Variants in SPAG17 observed in about 807,000 individuals in gnomAD.
The protein encoded by SPAG17 is sperm-associated antigen 17.
SPAG17 carries 169 observed loss-of-function variants against 273.6 expected under a neutral mutation model. That is an observed-to-expected ratio of 0.62 (90% CI 0.55 to 0.70). The LOEUF (loss-of-function observed/expected upper bound fraction) is 0.70, where lower values mean the gene tolerates loss of function less well. SPAG17 is among the 30% of genes least tolerant of loss of function. The pLI is 0.00. For missense variants in SPAG17, 2,557 were observed against 2,627.8 expected (o/e 0.97, Z 0.59); for synonymous variants, 825 against 873.2 (o/e 0.94, Z 0.97).
chr1:118,093,200 C>T lies in SPAG17; in HGVS notation c.1129G>A (p.Val377Met), dbSNP rs777703747. 1.9e-6 allele frequency: 3 copies of T among 1,613,662 alleles called. No homozygotes were observed. Among genetic ancestry groups the T allele is most frequent in the South Asian group, 2.2e-5 (2 of 91,042 alleles). Reference protein sequence around the residue: ...ESMQLINVPQVVNEKPVLEAM... With the variant: ...ESMQLINVPQMVNEKPVLEAM... ...TCTAATACAGGTTTCTCATTAACCA[C>T]TTGTGGAACATTAATAAGCTGCATG... is the stretch of plus-strand genomic sequence containing the variant. Residue 377 changes from valine to methionine, a missense_variant, in exon 8 of 49, where the codon GTG becomes ATG. Physicochemically the swap from Val to Met is conservative, Grantham distance 21. Coordinates refer to ENST00000336338, the MANE Select transcript of SPAG17 (RefSeq NM_206996.4).
intron 3 of SPAG17, among the ~76,000 whole-genome samples, chr1:118,139,318 T>C (rs1658538037): frequency 6.6e-6 from 1 of 152,250 alleles, no homozygotes; most frequent in Middle Eastern, 3.4e-3. Context: ...ATAACAAGTG[T>C]CAGCCAGGAT....
chr1:117,957,162 G>A (rs1652334761), intron 48 of SPAG17: 1 of 1,612,240 alleles, frequency 6.2e-7, no homozygotes, highest in Non-Finnish European at 8.5e-7. Context: ...CTCTGATGTT[G>A]AACTTATATG....
chr1:117,970,183 G>C, intron 45 of SPAG17, 67 bp from the exon 46 acceptor site: 1 of 1,486,386 alleles, frequency 6.7e-7, no homozygotes, highest in South Asian at 1.2e-5. Flanking sequence ...AATAAGCTGG[G>C]ATGTTATAAA....
intron 15 of SPAG17, among the ~76,000 whole-genome samples, chr1:118,077,780 C>T (rs926344324): frequency 1.3e-5 from 2 of 151,980 alleles, no homozygotes; most frequent in African/African-American, 4.8e-5. Flanking sequence ...GAAGGAAATC[C>T]CAAAGGCAAC....
chr1:118,095,590 G>A (rs2102203121), intron 7 of SPAG17, among the ~76,000 whole-genome samples: 2 of 152,352 alleles, frequency 1.3e-5, no homozygotes, highest in Middle Eastern at 6.8e-3. Flanking sequence ...GTGGATGTGG[G>A]TTTTATTAAC....
chr1:118,045,750 T>C (rs1650276774), intron 20 of SPAG17, among the ~76,000 whole-genome samples: 1 of 152,266 alleles, frequency 6.6e-6, no homozygotes, highest in Non-Finnish European at 1.5e-5. Flanking sequence ...GGAAGCAGTC[T>C]TGTGGGAGTG....
intron 3 of SPAG17, among the ~76,000 whole-genome samples, chr1:118,125,891 T>C (rs758483641): frequency 3.1e-4 from 47 of 152,148 alleles, no homozygotes; most frequent in Non-Finnish European, 6.5e-4. Flanking sequence ...AAATACCTAA[T>C]AGGGGAATGG....
chr1:118,048,974 C>A (rs938177613), intron 20 of SPAG17, among the ~76,000 whole-genome samples: 1 of 152,038 alleles, frequency 6.6e-6, no homozygotes, highest in African/African-American at 2.4e-5. Flanking sequence ...AAATTGATAA[C>A]CTAGAAGGAA....
Position 117,994,425 on chromosome 1 carries a change from T to C in SPAG17, c.5159A>G (p.Glu1720Gly), listed in dbSNP as rs1042949595. ...ATATACCTCAACTGAGGGAAATGTT[T>C]CCCATGACCTTGACCGGAGATTAGG... The part of the protein sequence containing the change: ...VPPNLRSRSW[E>G]TFPSVEKKTP... Residue 1720 changes from glutamate to glycine, a missense_variant, in exon 35 of 49, where the codon GAA (glutamate) becomes GGA (glycine). Transcript: ENST00000336338. The C allele has an allele frequency of 1.2e-6, 2 of 1,612,400 alleles. No individual in the cohort carries two copies.
intron 48 of SPAG17, chr1:117,959,213 G>T: frequency 6.6e-7 from 1 of 1,510,722 alleles, no homozygotes; most frequent in Non-Finnish European, 8.9e-7. Context: ...TGAAGCTTTG[G>T]TTACCCTAAC....
rs541186803 is a variant in SPAG17 at position 118,153,187 on chromosome 1, T to A, written c.88-1818A>T. On this transcript the variant is annotated intron_variant, in intron 1 of 48. Coordinates refer to ENST00000336338, the MANE Select transcript of SPAG17 (RefSeq NM_206996.4). Reference sequence around the variant, plus strand: ...GTGTTGACCATTTCAGACCAGAAAATAAAAGAAGAGAGGAGGGGCAAGAGG... The same window carrying A: ...GTGTTGACCATTTCAGACCAGAAAAAAAAAGAAGAGAGGAGGGGCAAGAGG... 9.3e-4 allele frequency among the ~76,000 whole-genome samples: 142 copies of A among 152,120 alleles called. 1 individual carries two copies. Among genetic ancestry groups the A allele is most frequent in the African/African-American group, 3.2e-3 (134 of 41,508 alleles).
chr1:117,981,676 T>C lies in SPAG17; in HGVS notation c.5873-275A>G, dbSNP rs184148997. Among the ~76,000 whole-genome samples the C allele has an allele frequency of 5.3e-5, 8 of 152,326 alleles. No homozygotes were observed. In the East Asian group the frequency reaches 1.5e-3, roughly 29 times the overall value. On this transcript the variant is annotated intron_variant, in intron 42 of 48. Transcript: ENST00000336338. ...GTTCTTTATGGGCATTATGACTAAA[T>C]AGTAGAGTTGTCACCTTGTTGTGTT...
chr1:118,004,820 C>A (rs1658699719), intron 32 of SPAG17, among the ~76,000 whole-genome samples: 1 of 152,230 alleles, frequency 6.6e-6, no homozygotes, highest in South Asian at 2.1e-4. Context: ...GTGGGCTGCA[C>A]CCACTGTCCA....
In SPAG17 at chr1:117,973,764, T is replaced by C. The variant is rs74814409; in HGVS notation, c.6005-203A>G. 3.1e-3 allele frequency among the ~76,000 whole-genome samples: 477 copies of C among 152,312 alleles called. 4 individuals carry two copies. The highest frequency in any genetic ancestry group is 0.011 in the African/African-American group (453 of 41,554). ...TTTGTTACAAGGGTATAATGCATGA[T>C]CATGCTGCCCAAATAGTGAACATAG... On this transcript the variant is annotated intron_variant, in intron 43 of 48. Transcript: ENST00000336338.
At chr1:117,986,033 T>C (rs1461758816) in intron 40 of SPAG17, among the ~76,000 whole-genome samples, 1 of 152,124 alleles carries the variant, frequency 6.6e-6, no homozygotes. Flanking sequence ...ACTCCTGAAG[T>C]AAATGTTACT....
chr1:118,162,350 A>AT (rs1191086472), intron 1 of SPAG17, among the ~76,000 whole-genome samples: 2 of 152,222 alleles, frequency 1.3e-5, no homozygotes, highest in East Asian at 3.8e-4. Flanking sequence ...TTGGAAAAAC[A>AT]TTTAAGTACT....
intron 3 of SPAG17, 117 bp downstream of exon 3, chr1:118,150,426 C>T: frequency 9.9e-6 from 5 of 506,998 alleles, no homozygotes; most frequent in Non-Finnish European, 1.7e-5. Flanking sequence ...CAAATATCTC[C>T]AATGAGGAGC....
chr1:118,072,504 T>C (rs1477348919), intron 17 of SPAG17, among the ~76,000 whole-genome samples: 1 of 152,126 alleles, frequency 6.6e-6, no homozygotes, highest in Non-Finnish European at 1.5e-5. Context: ...ATAAAACTAA[T>C]AGAATATCTG....
chr1:118,001,912 G>A (rs1253251184), intron 32 of SPAG17, among the ~76,000 whole-genome samples: 1 of 152,154 alleles, frequency 6.6e-6, no homozygotes, highest in East Asian at 1.9e-4. Context: ...TAATTGTGAT[G>A]TTAGGGTGCT....
Sources: allele counts gnomAD v4.1 joint callset (sites outside exome capture counted in the v4.1 genomes callset), GRCh38; gene constraint gnomAD v4.1.1; transcripts MANE v1.5; gene names NCBI Gene and HGNC (gene_info 2026-07-23, HGNC 2026-07-21).